EGF: variants seen among roughly 807,000 people sequenced by gnomAD.
EGF encodes the protein epidermal growth factor.
A neutral mutation model predicts 143.8 loss-of-function variants in EGF; 95 were observed. The ratio of observed to expected loss-of-function variants is 0.66; its 90% CI spans 0.56 to 0.78. The LOEUF (loss-of-function observed/expected upper bound fraction) is 0.78, where lower values mean the gene tolerates loss of function less well. EGF is among the 30% of genes least tolerant of loss of function. EGF has a pLI of 0.00. For missense variants in EGF, 1,320 were observed against 1,470.9 expected (o/e 0.90, Z 1.68); for synonymous variants, 510 against 510.5 (o/e 1.00, Z 0.01).
chr4:109,983,345 C>T (rs1467525376), intron 15 of EGF, 77 bp from the exon 16 acceptor site: 20 of 1,511,834 alleles, frequency 1.3e-5, no homozygotes, highest in Non-Finnish European at 1.8e-5. Context: ...AATGAATAGT[C>T]GTAAACATAA....
At chr4:109,991,141 T>C (rs2126143467) in intron 18 of EGF, among the ~76,000 whole-genome samples, 1 of 152,328 alleles carries the variant, frequency 6.6e-6, no homozygotes, top group African/African-American at 2.4e-5. Flanking sequence ...ACATTACAAC[T>C]GTAAAATGAA....
chr4:110,005,654 A>C (rs1753183030), intron 22 of EGF, among the ~76,000 whole-genome samples: 1 of 152,236 alleles, frequency 6.6e-6, no homozygotes, highest in Non-Finnish European at 1.5e-5. Flanking sequence ...ACTAGAGGGC[A>C]GTCTTGAAAC....
At chr4:109,966,247 G>T (rs999685470) in intron 10 of EGF, among the ~76,000 whole-genome samples, 1 of 151,820 alleles carries the variant, frequency 6.6e-6, no homozygotes, top group African/African-American at 2.4e-5. Context: ...ATTCCACTCT[G>T]TATGTCCATG....
intron 21 of EGF, among the ~76,000 whole-genome samples, chr4:110,003,147 T>C (rs1752796002): frequency 6.6e-6 from 1 of 152,198 alleles, no homozygotes; most frequent in African/African-American, 2.4e-5. Flanking sequence ...GTCTTTATGG[T>C]AGAATGATTT....
chr4:109,999,630 C>A, intron 20 of EGF, 49 bp from the exon 21 acceptor site: 2 of 1,611,898 alleles, frequency 1.2e-6, no homozygotes, highest in Non-Finnish European at 1.7e-6. Context: ...AAACTATCAG[C>A]GTTTTTGGCC....
rs576995932 is a variant in EGF at position 109,952,331 on chromosome 4, G to C, written c.941-6981G>C. Reference sequence around the variant, plus strand: ...TTCAAAAGCATATTCTTTGGGAAATGAAGGTTATTTATTACTAACACTGTG... The same window carrying C: ...TTCAAAAGCATATTCTTTGGGAAATCAAGGTTATTTATTACTAACACTGTG... On this transcript the variant is annotated intron_variant, in intron 5 of 23. Coordinates refer to ENST00000265171, the MANE Select transcript of EGF (RefSeq NM_001963.6). 6.6e-5 allele frequency among the ~76,000 whole-genome samples: 10 copies of C among 152,318 alleles called. No homozygotes were observed. The South Asian group carries it at 1.7e-3, about 25-fold the overall frequency.
chr4:109,946,885 GA>G (rs1392840195), intron 5 of EGF, among the ~76,000 whole-genome samples: 2 of 152,102 alleles, frequency 1.3e-5, no homozygotes, highest in Non-Finnish European at 2.9e-5. Context: ...TTGGGAGGCC[GA>G]GGTAGATAGA....
In EGF at chr4:109,941,074, A is replaced by C; in HGVS notation, c.256A>C (p.Lys86Gln). Residue 86 changes from lysine (K) to glutamine (Q), a missense_variant, in exon 2 of 24, where the codon AAA becomes CAA. Physicochemically the swap from Lys to Gln is moderately conservative, Grantham distance 53 (BLOSUM62 1). Transcript: ENST00000265171. Reference sequence around the variant, plus strand: ...GATCATGGATTTTCATTATAATGAGAAAAGAATCTATTGGGTGGATTTAGA... The same window carrying C: ...GATCATGGATTTTCATTATAATGAGCAAAGAATCTATTGGGTGGATTTAGA... ...SVIMDFHYNE[K>Q]RIYWVDLERQ... is the part of the protein sequence containing the mutation. 6.2e-7 allele frequency: 1 copy of C among 1,614,074 alleles called. No individual in the cohort carries two copies. Among genetic ancestry groups the C allele is most frequent in the Non-Finnish European group, 8.5e-7 (1 of 1,179,974 alleles).
intron 15 of EGF, among the ~76,000 whole-genome samples, chr4:109,982,718 C>G (rs926030974): frequency 2.0e-5 from 3 of 152,022 alleles, no homozygotes; most frequent in African/African-American, 7.3e-5. Flanking sequence ...TTTCCTTTTT[C>G]CATACTAAGA....
intron 1 of EGF, among the ~76,000 whole-genome samples, chr4:109,920,249 A>T (rs568589819): frequency 6.6e-6 from 1 of 151,704 alleles, no homozygotes; most frequent in Non-Finnish European, 1.5e-5. Flanking sequence ...CAACTTTCCA[A>T]TGTAAATTGC....
intron 4 of EGF, among the ~76,000 whole-genome samples, chr4:109,944,827 C>T (rs1742561308): frequency 6.6e-6 from 1 of 152,204 alleles, no homozygotes; most frequent in Admixed American, 6.5e-5. Flanking sequence ...ATTTTCATCA[C>T]ACTTATTGGA....
chr4:109,967,209 A>C (rs533551909), intron 10 of EGF, among the ~76,000 whole-genome samples: 10 of 152,142 alleles, frequency 6.6e-5, no homozygotes, highest in Non-Finnish European at 1.2e-4. Flanking sequence ...ATCTTGAGTT[A>C]ATTTTTTATA....
chr4:109,939,551 T>C (rs985964386), intron 1 of EGF, among the ~76,000 whole-genome samples: 10 of 152,218 alleles, frequency 6.6e-5, no homozygotes, highest in Non-Finnish European at 1.2e-4. Context: ...CTGCACCCAC[T>C]GTCCAACCAG....
chr4:109,982,978 T>G (rs1323751885), intron 15 of EGF, among the ~76,000 whole-genome samples: 1 of 152,152 alleles, frequency 6.6e-6, no homozygotes, highest in Non-Finnish European at 1.5e-5. Context: ...TTTAATGTCC[T>G]TTCATATTAT....
At chr4:109,954,138 G>A (rs573452967) in intron 5 of EGF, among the ~76,000 whole-genome samples, 4 of 152,232 alleles carry the variant, frequency 2.6e-5, no homozygotes, top group Admixed American at 6.5e-5. Context: ...TGCAACCTCC[G>A]CCTCCCAGGT....
chr4:109,941,720 G>A (rs1480097374), intron 2 of EGF, among the ~76,000 whole-genome samples: 1 of 152,090 alleles, frequency 6.6e-6, no homozygotes, highest in African/African-American at 2.4e-5. Flanking sequence ...CTCCGTCATG[G>A]GTTTTGGCAC....
intron 1 of EGF, among the ~76,000 whole-genome samples, chr4:109,927,994 T>C (rs1328826917): frequency 1.3e-5 from 2 of 152,186 alleles, no homozygotes; most frequent in African/African-American, 2.4e-5. Flanking sequence ...GGATTACCTA[T>C]AGCATAGGAA....
intron 1 of EGF, among the ~76,000 whole-genome samples, chr4:109,922,406 C>T (rs1167634137): frequency 2.0e-5 from 3 of 151,650 alleles, no homozygotes; most frequent in Non-Finnish European, 4.4e-5. Context: ...AAGTGACTGT[C>T]TTTCAATACT....
chr4:110,000,319 C>G (rs980777537), intron 21 of EGF, among the ~76,000 whole-genome samples: 3 of 150,068 alleles, frequency 2.0e-5, no homozygotes, highest in Admixed American at 6.6e-5. Flanking sequence ...TTTCATTGCT[C>G]TGAAACATCA....
Sources: gnomAD v4.1 joint callset for allele counts (sites outside exome capture counted in the v4.1 genomes callset) on GRCh38, gnomAD v4.1.1 for gene constraint, MANE v1.5 for transcripts, NCBI Gene and HGNC (gene_info 2026-07-23, HGNC 2026-07-21) for gene names.